Variants in CUX1 observed in about 807,000 individuals in gnomAD.
CUX1 encodes the protein cut like homeobox 1.
A neutral mutation model predicts 158.8 loss-of-function variants in CUX1; 31 were observed. The observed-to-expected ratio is 0.20, with a 90% CI of 0.15 to 0.26. The LOEUF (loss-of-function observed/expected upper bound fraction) is 0.26, where lower values mean the gene tolerates loss of function less well. CUX1 is among the 10% of genes least tolerant of loss of function. The pLI, the probability that CUX1 is intolerant of heterozygous loss-of-function variation, is 1.00. For missense variants in CUX1, 1,589 were observed against 2,014.6 expected (o/e 0.79, Z 4.04); for synonymous variants, 879 against 862.1 (o/e 1.02, Z -0.34).
At chr7:102,193,085 C>T (rs1178069717) in intron 12 of CUX1, among the ~76,000 whole-genome samples, 2 of 152,230 alleles carry the variant, frequency 1.3e-5, no homozygotes, top group Non-Finnish European at 2.9e-5. Flanking sequence ...GGTCTGCCCA[C>T]CTGGCTTCTG....
Position 102,250,645 on chromosome 7 carries a change from C to T in CUX1, c.*1603C>T. On this transcript the variant is annotated 3_prime_UTR_variant, in exon 24 of 24. Transcript: ENST00000292535. ...TTCAACTTCCAAACCTACCATTTGCCCTTCTTTCATTTCGCCTCTTAGTTC... is the reference window on the plus strand; with the variant it reads ...TTCAACTTCCAAACCTACCATTTGCTCTTCTTTCATTTCGCCTCTTAGTTC... 2.0e-6 allele frequency: 2 copies of T among 985,382 alleles called. No homozygotes were observed. Among genetic ancestry groups the T allele is most frequent in the Non-Finnish European group, 2.4e-6 (2 of 829,932 alleles). 61.0% of individuals were successfully genotyped at this position (985,382 alleles called of 1,614,324 possible). A position where few individuals can be genotyped will look rare whatever the true frequency, so the allele number is the denominator to read the frequency against.
intron 11 of CUX1, among the ~76,000 whole-genome samples, chr7:102,186,518 C>G (rs1203203813): frequency 6.6e-6 from 1 of 151,864 alleles, no homozygotes; most frequent in African/African-American, 2.4e-5. Flanking sequence ...CTGAGAAATG[C>G]GTCAATAGGT....
intron 1 of CUX1, among the ~76,000 whole-genome samples, chr7:101,911,190 C>T (rs548596398): frequency 2.0e-5 from 3 of 152,416 alleles, no homozygotes; most frequent in African/African-American, 7.2e-5. Context: ...TGGGCCTTGG[C>T]CTTGGTCTCA....
chr7:102,184,537 G>C (rs1793443509), intron 11 of CUX1, among the ~76,000 whole-genome samples: 1 of 152,230 alleles, frequency 6.6e-6, no homozygotes, highest in Non-Finnish European at 1.5e-5. Flanking sequence ...GGTTATCCAA[G>C]GTCACAGTCA....
rs1554537710 is a variant in CUX1, at chr7:102,248,389, C to G, written c.3888-23C>G. ...TTCCCCAGCAGCACCCCCCTCACGT[C>G]CCCGCCGCTTGTTGTCTTGTAGGTC... On this transcript the variant is annotated intron_variant, in intron 23 of 23. Transcript: ENST00000292535. The surrounding 1 kb of genome is among the most constrained non-coding windows in gnomAD (Gnocchi z 5.8). 1.3e-6 allele frequency: 2 copies of G among 1,568,358 alleles called. No homozygotes were observed. Among genetic ancestry groups the G allele is most frequent in the African/African-American group, 2.8e-5 (2 of 72,724 alleles).
At chr7:101,973,338 G>A (rs151172449) in intron 2 of CUX1, among the ~76,000 whole-genome samples, 3 of 152,152 alleles carry the variant, frequency 2.0e-5, no homozygotes, top group African/African-American at 4.8e-5. Context: ...CGTTCATCAC[G>A]GCTCCCAGAA....
intron 4 of CUX1, among the ~76,000 whole-genome samples, chr7:102,096,696 AC>A (rs1829230768): frequency 6.6e-6 from 1 of 152,078 alleles, no homozygotes; most frequent in Admixed American, 6.6e-5. Flanking sequence ...ACAGAGTGAG[AC>A]CCTGTCTTAA....
At chr7:102,104,764 G>A (rs191661733) in intron 6 of CUX1, among the ~76,000 whole-genome samples, 88 of 152,056 alleles carry the variant, frequency 5.8e-4, no homozygotes, top group Non-Finnish European at 9.3e-4. Flanking sequence ...GCATGGTGGC[G>A]CACGTCTGTA....
rs1335755434 is a variant in CUX1 at position 101,909,976 on chromosome 7, G to T, written c.31-6139G>T. 2.0e-5 allele frequency among the ~76,000 whole-genome samples: 3 copies of T among 152,210 alleles called. No individual in the cohort carries two copies. The East Asian group carries it at 5.8e-4, about 29-fold the overall frequency. On this transcript the variant is annotated intron_variant, in intron 1 of 23. Transcript: ENST00000292535. ...GCTCTGCTGCCCAGGCTGAAGTGCG[G>T]TGGCACCATCTCAGCTCACTGCAAC...
chr7:102,083,502 A>G (rs945975236), intron 4 of CUX1, among the ~76,000 whole-genome samples: 2 of 146,708 alleles, frequency 1.4e-5, no homozygotes, highest in African/African-American at 2.4e-5. Context: ...CATGAGGTCT[A>G]GCTGTGTTGC....
chr7:101,871,977 C>G (rs1459026592), intron 1 of CUX1, among the ~76,000 whole-genome samples: 1 of 149,860 alleles, frequency 6.7e-6, no homozygotes, highest in Admixed American at 6.6e-5. Context: ...AAGATTGCAC[C>G]ACTGCACTCC....
At position 102,248,306 on chromosome 7, in the gene CUX1, C is replaced by T; in HGVS notation, c.3888-106C>T. The T allele has an allele frequency of 9.0e-7, 1 of 1,106,038 alleles. No homozygotes were observed. The highest frequency in any genetic ancestry group is 1.2e-6 in the Non-Finnish European group (1 of 802,880). 68.5% of individuals were successfully genotyped at this position (1,106,038 alleles called of 1,614,324 possible). ...GGAGGGGCACGGAGGGGCCTCCAGG[C>T]TGGACGGAGCAGGAGCCCCAGAGAG... On this transcript the variant is annotated intron_variant, in intron 23 of 23. Coordinates refer to ENST00000292535, the MANE Select transcript of CUX1 (RefSeq NM_181552.4). This position sits in a 1 kb window ranked among gnomAD's most constrained non-coding sequence, Gnocchi z 5.8.
intron 1 of CUX1, among the ~76,000 whole-genome samples, chr7:101,836,851 G>A (rs1794692802): frequency 1.3e-5 from 2 of 152,302 alleles, no homozygotes; most frequent in Admixed American, 6.5e-5. Flanking sequence ...CAGCATGGGT[G>A]CGGTGGGGGG....
Position 102,239,382 on chromosome 7 carries a change from G to C in CUX1, c.3685G>C (p.Gly1229Arg). The change falls in exon 23 of 24, where the codon GGC (glycine) becomes CGC (arginine). Residue 1229 changes from glycine (G) to arginine (R), a missense_variant. Gly to Arg is a moderately radical substitution (Grantham distance 125). Transcript: ENST00000292535. Reference protein sequence around the residue: ...DSQPCEPPSVGTEYSQGASPQ... With the variant: ...DSQPCEPPSVRTEYSQGASPQ... ...CCAGCCCTGCGAACCGCCCTCTGTCGGCACCGAGTACAGCCAGGGCGCCAG... is the reference window on the plus strand; with the variant it reads ...CCAGCCCTGCGAACCGCCCTCTGTCCGCACCGAGTACAGCCAGGGCGCCAG... The C allele has an allele frequency of 5.0e-6, 8 of 1,613,086 alleles. No individual in the cohort carries two copies. Among genetic ancestry groups the C allele is most frequent in the Non-Finnish European group, 6.8e-6 (8 of 1,179,828 alleles).
rs79160644 is a variant in CUX1 at position 102,007,277 on chromosome 7, C to G, written c.142-20821C>G. On this transcript the variant is annotated intron_variant, in intron 2 of 23. Coordinates refer to ENST00000292535, the MANE Select transcript of CUX1 (RefSeq NM_181552.4). ...CTCTCTGACTTTGAACCCCTCAGTT[C>G]ATTCTCAGATCAGACCACTCACTCA... is the stretch of plus-strand genomic sequence containing the variant. 3.9e-5 allele frequency among the ~76,000 whole-genome samples: 6 copies of G among 152,238 alleles called. No individual in the cohort carries two copies. The East Asian group carries it at 1.2e-3, about 30-fold the overall frequency.
intron 8 of CUX1, among the ~76,000 whole-genome samples, chr7:102,123,272 T>C (rs923269124): frequency 2.6e-5 from 4 of 151,158 alleles, no homozygotes; most frequent in African/African-American, 9.7e-5. Flanking sequence ...TGTGGCCATG[T>C]ATATAAACAT....
At chr7:102,104,522 C>T in intron 6 of CUX1, 63 bp downstream of exon 6, 1 of 1,580,096 alleles carries the variant, frequency 6.3e-7, no homozygotes, top group Non-Finnish European at 8.6e-7. Flanking sequence ...TTCACATCAT[C>T]AGACATGTTG....
chr7:102,237,255 G>A (rs1025419450), intron 22 of CUX1, among the ~76,000 whole-genome samples: 2 of 152,214 alleles, frequency 1.3e-5, no homozygotes, highest in African/African-American at 2.4e-5. Context: ...TAGAGACAGG[G>A]TCTCTGTTGC....
intron 12 of CUX1, among the ~76,000 whole-genome samples, chr7:102,190,323 G>A (rs1299696279): frequency 1.3e-5 from 2 of 152,182 alleles, no homozygotes; most frequent in Non-Finnish European, 2.9e-5. Context: ...TGAGGCTGTA[G>A]CCGAAAGCTT....
Sources: allele counts gnomAD v4.1 joint callset (sites outside exome capture counted in the v4.1 genomes callset), GRCh38; gene constraint gnomAD v4.1.1; non-coding constraint Gnocchi (gnomAD v3.1); transcripts MANE v1.5; gene names NCBI Gene and HGNC (gene_info 2026-07-23, HGNC 2026-07-21).